The following NADSYN1 variants were observed in gnomAD, a reference collection of about 807,000 sequenced individuals.
NADSYN1 encodes the protein NAD synthetase 1, also known as glutamine-dependent NAD(+) synthetase.
In NADSYN1, 80 loss-of-function variants were observed where a neutral mutation model predicts 99.3. The ratio of observed to expected loss-of-function variants is 0.81; its 90% CI spans 0.67 to 0.97. The LOEUF (loss-of-function observed/expected upper bound fraction) is 0.97, where lower values mean the gene tolerates loss of function less well. Ranked by LOEUF, NADSYN1 falls within the 50% of genes least tolerant of loss-of-function variation. NADSYN1 has a pLI of 0.00. For missense variants in NADSYN1, 859 were observed against 948.5 expected, an observed-to-expected ratio of 0.91 and a Z score of 1.24; for synonymous variants, 385 against 372.1, an observed-to-expected ratio of 1.03 and a Z score of -0.40.
At chr11:71,483,985 A>G (rs551358490) in intron 14 of NADSYN1, among the ~76,000 whole-genome samples, 6 of 152,278 alleles carry the variant, frequency 3.9e-5, no homozygotes, top group African/African-American at 1.4e-4. Context: ...TTCCATTTCC[A>G]CGCAATGTCC....
rs1949631149 is a variant in NADSYN1, at chr11:71,472,140, C to T, written c.408-309C>T. ...GGATTTCTCCATGAGGCAACGTGGC[C>T]AGTTCTCAGCAAATCCCCTGTGACA... On this transcript the variant is annotated intron_variant, in intron 5 of 20. Transcript: ENST00000319023. Among the ~76,000 whole-genome samples the T allele has an allele frequency of 2.6e-5, 4 of 152,250 alleles. No individual in the cohort carries two copies. In the South Asian group the frequency reaches 8.3e-4, roughly 32 times the overall value.
intron 5 of NADSYN1, among the ~76,000 whole-genome samples, chr11:71,470,521 T>C (rs913076946): frequency 4.6e-5 from 7 of 152,256 alleles, no homozygotes; most frequent in Non-Finnish European, 1.0e-4. Flanking sequence ...GCCTTGGTAC[T>C]CTTTTGCATA....
In NADSYN1 at chr11:71,473,436, C is replaced by T. The variant is rs1949642060; in HGVS notation, c.548+70C>T. 1.3e-5 allele frequency: 21 copies of T among 1,567,004 alleles called. 1 individual carries two copies. In the South Asian group the frequency reaches 1.6e-4, roughly 12 times the overall value. On this transcript the variant is annotated intron_variant, in intron 7 of 20. Transcript: ENST00000319023. The stretch of plus-strand genomic sequence containing the variant: ...GGCCAGCTGGGAGGACCTGGGACTG[C>T]AGACGTCCTGGGGCCGTGGCCGTGG...
At chr11:71,494,751 T>C (rs1591136854) in intron 18 of NADSYN1, among the ~76,000 whole-genome samples, 1 of 152,028 alleles carries the variant, frequency 6.6e-6, no homozygotes, top group Admixed American at 6.6e-5. Flanking sequence ...GACGGGGTTT[T>C]TCCATGTTGG....
At position 71,485,564 on chromosome 11, in the gene NADSYN1, CCTAT is replaced by C. The variant is rs1180230252; in HGVS notation, c.1481_1484del (p.Tyr494CysfsTer5). 9 of 1,561,246 alleles carry C rather than the reference CCTAT, an allele frequency of 5.8e-6. No individual in the cohort carries two copies. The highest frequency in any genetic ancestry group is 2.4e-5 in the South Asian group (2 of 84,846). The stretch of plus-strand genomic sequence containing the variant: ...CAGGCTCGAATACGGATGGTCCTCG[CCTAT>C]CTGTTTGCTCAGTTGAGCCTCTGGT... On this transcript the variant is annotated frameshift_variant, in exon 16 of 21. Transcript: ENST00000319023. LOFTEE classifies it high-confidence loss of function.
intron 9 of NADSYN1, 71 bp downstream of exon 9, chr11:71,474,597 G>T (rs780720681): frequency 6.3e-7 from 1 of 1,599,982 alleles, no homozygotes; most frequent in African/African-American, 1.3e-5. Flanking sequence ...GCTCTCCCCT[G>T]TAAGCCGGGT....
chr11:71,461,287 T>G (rs2120405703), intron 3 of NADSYN1, among the ~76,000 whole-genome samples: 1 of 152,354 alleles, frequency 6.6e-6, no homozygotes, highest in African/African-American at 2.4e-5. Flanking sequence ...AGGGCCCGTA[T>G]TTTATTTAAA....
In NADSYN1 at chr11:71,453,216, C is replaced by T. The variant is rs937819068; in HGVS notation, c.-81C>T. ...GCGGGGCCGGGCAACCCGGAAGGTC[C>T]GGCGTCCCAGCCGCCTACCTCGCTG... On this transcript the variant is annotated 5_prime_UTR_variant, in exon 1 of 21. Coordinates refer to ENST00000319023, the MANE Select transcript of NADSYN1 (RefSeq NM_018161.5). 1.2e-5 allele frequency: 16 copies of T among 1,282,052 alleles called. No homozygotes were observed. The highest frequency in any genetic ancestry group is 8.9e-5 in the African/African-American group (6 of 67,518). 79.4% of individuals were successfully genotyped at this position (1,282,052 alleles called of 1,614,324 possible).
intron 2 of NADSYN1, among the ~76,000 whole-genome samples, chr11:71,457,456 C>T (rs1221428574): frequency 6.6e-6 from 1 of 152,234 alleles, no homozygotes; most frequent in Non-Finnish European, 1.5e-5. Flanking sequence ...AAGTGTTCTA[C>T]AGATACTCTA....
intron 16 of NADSYN1, 53 bp downstream of exon 16, chr11:71,485,701 C>A: frequency 7.5e-7 from 1 of 1,335,320 alleles, no homozygotes; most frequent in Non-Finnish European, 1.0e-6. Flanking sequence ...TCTCAGGTCT[C>A]TGAAGGTGAT....
At chr11:71,498,661 G>A in intron 20 of NADSYN1, 133 bp downstream of exon 20, 3 of 986,426 alleles carry the variant, frequency 3.0e-6, no homozygotes, top group South Asian at 1.7e-5. Flanking sequence ...TCTGCAAAGG[G>A]ACAAGTATGT....
Position 71,480,771 on chromosome 11 carries a change from C to T in NADSYN1, c.890C>T (p.Pro297Leu), listed in dbSNP as rs7121106. ...CATTGCCAGGCCAGCAGGGCGAGCC[C>T]CTACCCCAGAGTGAAGGTGGACTTT... ...SRNLAASRAS[P>L]YPRVKVDFAL... The change falls in exon 11 of 21, where the codon CCC becomes CTC. Residue 297 changes from proline (P) to leucine (L), a missense_variant. Transcript: ENST00000319023. The T allele has an allele frequency of 0.062, 100,860 of 1,614,038 alleles. 4,023 individuals are homozygous for T. The highest frequency in any genetic ancestry group is 0.14 in the African/African-American group (10,778 of 74,998).
chr11:71,490,049 C>T (rs1217990625), intron 16 of NADSYN1, among the ~76,000 whole-genome samples: 3 of 152,126 alleles, frequency 2.0e-5, no homozygotes, highest in Non-Finnish European at 2.9e-5. Flanking sequence ...TATGGTCCCT[C>T]AGTTCTGTAG....
chr11:71,470,066 G>C (rs901689285), intron 5 of NADSYN1, among the ~76,000 whole-genome samples: 2 of 152,174 alleles, frequency 1.3e-5, no homozygotes, highest in Non-Finnish European at 2.9e-5. Flanking sequence ...TCACAATCAC[G>C]GCAGAAGGCG....
intron 5 of NADSYN1, among the ~76,000 whole-genome samples, chr11:71,466,148 T>A (rs1949587681): frequency 6.6e-6 from 1 of 152,238 alleles, no homozygotes; most frequent in Non-Finnish European, 1.5e-5. Flanking sequence ...TTTTAAAAAT[T>A]GAGAATGGAT....
At position 71,491,888 on chromosome 11, in the gene NADSYN1, G is replaced by A; in HGVS notation, c.1749G>A (p.Val583=). The A allele has an allele frequency of 1.2e-6, 2 of 1,614,060 alleles. No individual in the cohort carries two copies. The highest frequency in any genetic ancestry group is 1.1e-5 in the South Asian group (1 of 91,066). ...TGGAGCCCTTGGCTGATGGACAGGT[G>A]TCCCAGACCGACGAGGTAATGGCGG... is the stretch of plus-strand genomic sequence containing the variant. The part of the protein sequence containing the change: ...AELEPLADGQ[V]SQTDEEDMGM... The change falls in exon 18 of 21, where the codon GTG becomes GTA. Residue 583 remains valine (V), a synonymous_variant. Coordinates refer to ENST00000319023, the MANE Select transcript of NADSYN1 (RefSeq NM_018161.5).
Position 71,472,441 on chromosome 11 carries a change from C to T in NADSYN1, c.408-8C>T, listed in dbSNP as rs745963084. 3 of 1,609,428 alleles carry T rather than the reference C, an allele frequency of 1.9e-6. No individual in the cohort carries two copies. Among genetic ancestry groups the T allele is most frequent in the Non-Finnish European group, 2.6e-6 (3 of 1,175,634 alleles). On this transcript the variant is annotated splice_polypyrimidine_tract_variant and splice_region_variant and intron_variant, in intron 5 of 20. Coordinates refer to ENST00000319023, the MANE Select transcript of NADSYN1 (RefSeq NM_018161.5). Reference sequence around the variant, plus strand: ...TCATCCTCAGCTCCTCGGTGTTTTCCTCTCCAGGCACACAGAGGAGTACTT... The same window carrying T: ...TCATCCTCAGCTCCTCGGTGTTTTCTTCTCCAGGCACACAGAGGAGTACTT...
At chr11:71,464,663 C>A (rs866683229) in intron 5 of NADSYN1, among the ~76,000 whole-genome samples, 33 of 151,934 alleles carry the variant, frequency 2.2e-4, no homozygotes, top group African/African-American at 8.0e-4. Context: ...GTCAGGAGAT[C>A]GAGACCATCC....
rs1369368516 is a variant in NADSYN1 at position 71,501,605 on chromosome 11, A to C, written c.*253A>C. On this transcript the variant is annotated 3_prime_UTR_variant, in exon 21 of 21. Transcript: ENST00000319023. The stretch of plus-strand genomic sequence containing the variant: ...CGTGCGCTTCCCCGCGAAGTCTGGC[A>C]TTCTCCGAAGGAAGCCGCCTGGGTA... 1.9e-6 allele frequency: 1 copy of C among 517,716 alleles called. No individual in the cohort carries two copies. The highest frequency in any genetic ancestry group is 1.9e-5 in the African/African-American group (1 of 51,446). 32.1% of individuals were successfully genotyped at this position (517,716 alleles called of 1,614,324 possible).
Sources: allele counts gnomAD v4.1 joint callset (sites outside exome capture counted in the v4.1 genomes callset), GRCh38; gene constraint gnomAD v4.1.1; transcripts MANE v1.5; gene names NCBI Gene and HGNC (gene_info 2026-07-23, HGNC 2026-07-21).